KIAA1958: variants seen among roughly 807,000 people sequenced by gnomAD.
KIAA1958 encodes the protein uncharacterized protein KIAA1958.
KIAA1958 carries 14 observed loss-of-function variants against 47.2 expected under a neutral mutation model. The observed-to-expected ratio is 0.30, with a 90% CI of 0.20 to 0.46. The LOEUF (loss-of-function observed/expected upper bound fraction) is 0.46, where lower values mean the gene tolerates loss of function less well. KIAA1958 is among the 20% of genes least tolerant of loss of function. The probability of loss-of-function intolerance (pLI) is 1.00; values close to 1 mark genes in which losing one functional copy is unlikely to be tolerated. For missense variants in KIAA1958, 803 were observed against 909.2 expected (o/e 0.88, Z 1.50); for synonymous variants, 354 against 353.3 (o/e 1.00, Z -0.02).
intron 2 of KIAA1958, among the ~76,000 whole-genome samples, chr9:112,616,196 A>G (rs1022983800): frequency 1.3e-5 from 2 of 152,240 alleles, no homozygotes; most frequent in Non-Finnish European, 2.9e-5. Flanking sequence ...AGAAAATAGC[A>G]TGACTAAAAG....
intron 1 of KIAA1958, among the ~76,000 whole-genome samples, chr9:112,515,753 G>T (rs1298681910): frequency 2.1e-5 from 2 of 96,064 alleles, no homozygotes; most frequent in Non-Finnish European, 4.1e-5. Context: ...ACTGCGGAAG[G>T]CCGCAGGGTC....
chr9:112,493,056 T>A (rs933887074), intron 1 of KIAA1958, among the ~76,000 whole-genome samples: 2 of 151,486 alleles, frequency 1.3e-5, no homozygotes, highest in Admixed American at 1.3e-4. Flanking sequence ...CTGGCCAAAA[T>A]TCTTAATAGT....
chr9:112,526,183 A>G (rs2132804589), intron 1 of KIAA1958, among the ~76,000 whole-genome samples: 1 of 151,656 alleles, frequency 6.6e-6, no homozygotes. Flanking sequence ...CATTCCAATC[A>G]TTGACTGTCA....
At chr9:112,607,173 A>C (rs1836249630) in intron 2 of KIAA1958, among the ~76,000 whole-genome samples, 1 of 152,010 alleles carries the variant, frequency 6.6e-6, no homozygotes, top group Admixed American at 6.6e-5. Flanking sequence ...CCTGACCAAT[A>C]TGGCGAAACC....
At chr9:112,531,748 A>T (rs1457399816) in intron 1 of KIAA1958, among the ~76,000 whole-genome samples, 1 of 152,258 alleles carries the variant, frequency 6.6e-6, no homozygotes, top group African/African-American at 2.4e-5. Flanking sequence ...TAAAGTTTAC[A>T]GAATTGTTCA....
chr9:112,557,995 G>T (rs1026174807), intron 1 of KIAA1958, among the ~76,000 whole-genome samples: 1 of 152,128 alleles, frequency 6.6e-6, no homozygotes, highest in African/African-American at 2.4e-5. Flanking sequence ...GGGAGGCCGA[G>T]GCGGGTGGAT....
chr9:112,647,734 T>C (rs1479243251), intron 3 of KIAA1958, among the ~76,000 whole-genome samples: 1 of 152,234 alleles, frequency 6.6e-6, no homozygotes, highest in African/African-American at 2.4e-5. Flanking sequence ...CAGAATGGGC[T>C]GCACAGAATG....
intron 2 of KIAA1958, among the ~76,000 whole-genome samples, chr9:112,578,445 GTCTT>G (rs1429893986): frequency 6.6e-6 from 1 of 152,138 alleles, no homozygotes; most frequent in Non-Finnish European, 1.5e-5. Context: ...TCTGTACTGA[GTCTT>G]TATCAGATCA....
intron 2 of KIAA1958, among the ~76,000 whole-genome samples, chr9:112,631,397 G>A (rs116285627): frequency 4.1e-4 from 62 of 151,926 alleles, no homozygotes; most frequent in African/African-American, 1.5e-3. Context: ...CTGGTGGTGC[G>A]CACCTGTGGT....
chr9:112,650,465 C>T (rs1209807539), intron 3 of KIAA1958, among the ~76,000 whole-genome samples: 1 of 152,038 alleles, frequency 6.6e-6, no homozygotes, highest in Non-Finnish European at 1.5e-5. Flanking sequence ...AAAGTTCCAA[C>T]AATATTTGCG....
chr9:112,664,379 C>T lies in KIAA1958; in HGVS notation c.*4310C>T, dbSNP rs1327227186. ...TATTATCCTTATCAAACATCCATCA[C>T]TTTGTTGCTTTTATGAGATGTAGAT... On this transcript the variant is annotated 3_prime_UTR_variant, in exon 4 of 4. Coordinates refer to ENST00000337530, the MANE Select transcript of KIAA1958 (RefSeq NM_133465.4). The T allele has an allele frequency of 1.3e-5, 2 of 152,214 alleles. No homozygotes were observed. Among genetic ancestry groups the T allele is most frequent in the African/African-American group, 4.8e-5 (2 of 41,444 alleles). 9.4% of individuals were successfully genotyped at this position (152,214 alleles called of 1,614,324 possible).
chr9:112,575,643 A>T (rs1225128002), intron 2 of KIAA1958, among the ~76,000 whole-genome samples: 2 of 152,188 alleles, frequency 1.3e-5, no homozygotes, highest in Non-Finnish European at 2.9e-5. Flanking sequence ...AAGGCATATC[A>T]TGACAATAGA....
intron 3 of KIAA1958, among the ~76,000 whole-genome samples, chr9:112,657,879 A>G (rs1393181569): frequency 6.7e-6 from 1 of 149,940 alleles, no homozygotes; most frequent in East Asian, 2.0e-4. Context: ...TTTTTGAGAC[A>G]GAGTTTCGCT....
chr9:112,506,817 G>A (rs543459375), intron 1 of KIAA1958, among the ~76,000 whole-genome samples: 1 of 152,088 alleles, frequency 6.6e-6, no homozygotes, highest in South Asian at 2.1e-4. Flanking sequence ...ATCATGGGTT[G>A]TGATTTAGGG....
At chr9:112,499,758 A>T (rs1834102824) in intron 1 of KIAA1958, among the ~76,000 whole-genome samples, 1 of 141,834 alleles carries the variant, frequency 7.1e-6, no homozygotes, top group Non-Finnish European at 1.5e-5. Context: ...GTGTGATCTC[A>T]GCTTACTGCA....
At chr9:112,529,423 C>T (rs1038559643) in intron 1 of KIAA1958, among the ~76,000 whole-genome samples, 8 of 152,302 alleles carry the variant, frequency 5.3e-5, no homozygotes, top group Non-Finnish European at 1.0e-4. Flanking sequence ...TCCAGGACCC[C>T]ATCCACAATA....
intron 2 of KIAA1958, among the ~76,000 whole-genome samples, chr9:112,607,069 C>T (rs1012216316): frequency 1.3e-5 from 2 of 152,108 alleles, no homozygotes; most frequent in Non-Finnish European, 2.9e-5. Context: ...CGTCAAGAGA[C>T]ATGGGTGCCA....
rs1476938131 is a variant in KIAA1958 at position 112,486,855 on chromosome 9, G to C, written c.-288G>C. 2 of 126,580 alleles carry C rather than the reference G, an allele frequency of 1.6e-5. No homozygotes were observed. The highest frequency in any genetic ancestry group is 2.9e-5 in the African/African-American group (1 of 34,730). 7.8% of individuals were successfully genotyped at this position (126,580 alleles called of 1,614,324 possible). A position where few individuals can be genotyped will look rare whatever the true frequency, so the allele number is the denominator to read the frequency against. Reference sequence around the variant, plus strand: ...CTGCCCGCCCGCCGCGCTCCGAGCCGGGCGCGCGGAGCTCGGGGCGCACGG... The same window carrying C: ...CTGCCCGCCCGCCGCGCTCCGAGCCCGGCGCGCGGAGCTCGGGGCGCACGG... On this transcript the variant is annotated 5_prime_UTR_variant, in exon 1 of 4. Coordinates refer to ENST00000337530, the MANE Select transcript of KIAA1958 (RefSeq NM_133465.4).
chr9:112,545,821 CTTTGTTTTT>C (rs1835019222), intron 1 of KIAA1958, among the ~76,000 whole-genome samples: 1 of 19,054 alleles, frequency 5.2e-5, no homozygotes, highest in Non-Finnish European at 1.0e-4. Flanking sequence ...ACACAGGTTT[CTTTGTTTTT>C]TTTTTTTTTT....
Sources: allele counts gnomAD v4.1 joint callset (sites outside exome capture counted in the v4.1 genomes callset), GRCh38; gene constraint gnomAD v4.1.1; transcripts MANE v1.5; gene names NCBI Gene and HGNC (gene_info 2026-07-23, HGNC 2026-07-21).